Variants in PHF14 observed in about 807,000 individuals in gnomAD.
PHF14 encodes PHD finger protein 14.
In PHF14, 55 loss-of-function variants were observed where a neutral mutation model predicts 117.9. That is an observed-to-expected ratio of 0.47 (90% CI 0.38 to 0.58). The LOEUF (loss-of-function observed/expected upper bound fraction) is 0.58, where lower values mean the gene tolerates loss of function less well. PHF14 is among the 20% of genes least tolerant of loss of function. The pLI, the probability that PHF14 is intolerant of heterozygous loss-of-function variation, is 0.00. For synonymous variants in PHF14, 409 were observed against 368.6 expected (o/e 1.11, Z -1.26); for missense variants, 978 against 1,122.2 (o/e 0.87, Z 1.84).
In PHF14 at chr7:11,106,677, G is replaced by A. The variant is rs897118301; in HGVS notation, c.2655-4673G>A. 2.6e-5 allele frequency: 26 copies of A among 983,718 alleles called. No individual in the cohort carries two copies. In the East Asian group the frequency reaches 8.0e-4, roughly 30 times the overall value. The allele number at this position is 983,718 out of a possible 1,614,324, so 60.9% of individuals were successfully genotyped here. A position where few individuals can be genotyped will look rare whatever the true frequency, so the allele number is the denominator to read the frequency against. The stretch of plus-strand genomic sequence containing the variant: ...CATCGCTACCTGTTAATAGATTTGC[G>A]TAGATGTTTGAGCTGCTAGTGAGAT... On this transcript the variant is annotated intron_variant, in intron 16 of 17. Coordinates refer to ENST00000634607, the MANE Select transcript of PHF14 (RefSeq NM_001007157.2).
intron 16 of PHF14, among the ~76,000 whole-genome samples, chr7:11,067,754 T>C (rs76178093): frequency 0.013 from 1,942 of 152,214 alleles, 43 homozygotes; most frequent in East Asian, 0.1. Context: ...CTCAAGGTGC[T>C]TTCACTCATG....
intron 17 of PHF14, 77 bp downstream of exon 17, chr7:11,111,544 C>A: frequency 7.5e-6 from 5 of 666,946 alleles, no homozygotes; most frequent in South Asian, 1.8e-5. Context: ...CAATTAGCTT[C>A]TTTAAAGATA....
At chr7:11,085,933 G>GT (rs1163883791) in intron 16 of PHF14, among the ~76,000 whole-genome samples, 1 of 151,912 alleles carries the variant, frequency 6.6e-6, no homozygotes, top group Non-Finnish European at 1.5e-5. Context: ...CTGGAGCCTA[G>GT]TTATTTGGGT....
intron 14 of PHF14, among the ~76,000 whole-genome samples, chr7:11,055,511 C>A (rs1252093982): frequency 1.3e-5 from 2 of 151,974 alleles, no homozygotes; most frequent in African/African-American, 2.4e-5. Flanking sequence ...TTCTTTTTTG[C>A]AAAATAAATG....
intron 13 of PHF14, among the ~76,000 whole-genome samples, chr7:11,049,426 G>T (rs1387695370): frequency 6.8e-6 from 1 of 147,762 alleles, no homozygotes; most frequent in African/African-American, 2.5e-5. Context: ...AGTGAGCCGA[G>T]ATCGTGCCAC....
intron 17 of PHF14, among the ~76,000 whole-genome samples, chr7:11,160,500 T>G (rs947582762): frequency 1.3e-5 from 2 of 152,190 alleles, no homozygotes; most frequent in African/African-American, 4.8e-5. Flanking sequence ...CTGAAAAAAT[T>G]TACATTCCCA....
chr7:11,070,790 CAAT>C (rs1234683239), intron 16 of PHF14, among the ~76,000 whole-genome samples: 1 of 152,200 alleles, frequency 6.6e-6, no homozygotes, highest in Non-Finnish European at 1.5e-5. Flanking sequence ...TAGTCTAATG[CAAT>C]ATGGCTCAGG....
intron 2 of PHF14, among the ~76,000 whole-genome samples, chr7:10,977,866 T>G (rs1428496759): frequency 6.6e-6 from 1 of 152,210 alleles, no homozygotes; most frequent in Non-Finnish European, 1.5e-5. Context: ...TGTTGATATT[T>G]GAGACTTGGG....
intron 4 of PHF14, among the ~76,000 whole-genome samples, chr7:10,999,274 C>G (rs1023974060): frequency 5.9e-5 from 9 of 152,220 alleles, no homozygotes; most frequent in Non-Finnish European, 1.3e-4. Context: ...CTCCAGTCCT[C>G]TCTCAAACCA....
intron 16 of PHF14, among the ~76,000 whole-genome samples, chr7:11,073,660 A>G (rs1785710950): frequency 6.6e-6 from 1 of 152,162 alleles, no homozygotes; most frequent in African/African-American, 2.4e-5. Context: ...GTTCCCTGGT[A>G]GGGATTCTGT....
At chr7:11,099,275 T>A (rs985519086) in intron 16 of PHF14, among the ~76,000 whole-genome samples, 1 of 152,150 alleles carries the variant, frequency 6.6e-6, no homozygotes, top group African/African-American at 2.4e-5. Context: ...AAATCTGTAT[T>A]ATAACATCAG....
At chr7:11,167,372 C>T (rs1007897374) in intron 17 of PHF14, among the ~76,000 whole-genome samples, 3 of 152,058 alleles carry the variant, frequency 2.0e-5, no homozygotes, top group Non-Finnish European at 2.9e-5. Context: ...GTTAAGATTG[C>T]TAGAAGTGTG....
chr7:10,982,305 G>A, intron 2 of PHF14, 67 bp from the exon 3 acceptor site: 1 of 1,032,118 alleles, frequency 9.7e-7, no homozygotes, highest in Non-Finnish European at 1.4e-6. Context: ...ATTTGTGTCA[G>A]CGTTGTGTGT....
intron 13 of PHF14, among the ~76,000 whole-genome samples, chr7:11,049,500 A>G (rs147743778): frequency 2.4e-3 from 370 of 151,344 alleles, no homozygotes; most frequent in African/African-American, 8.4e-3. Flanking sequence ...AAAAGTGTAA[A>G]TTAGAACTGT....
intron 16 of PHF14, among the ~76,000 whole-genome samples, chr7:11,090,575 A>G (rs1479065402): frequency 6.6e-6 from 1 of 152,188 alleles, no homozygotes; most frequent in Admixed American, 6.5e-5. Context: ...TTTCATGTAG[A>G]GCATTGAGCA....
rs1208051643 is a variant in PHF14, at chr7:10,995,946, C to T, written c.1045+5099C>T. On this transcript the variant is annotated intron_variant, in intron 4 of 17. Coordinates refer to ENST00000634607, the MANE Select transcript of PHF14 (RefSeq NM_001007157.2). Reference sequence around the variant, plus strand: ...CCGCAAGCTGAGGGAGCTGGCTCCACCCTCGGCCAGCCCAGAGAGGGGCTC... The same window carrying T: ...CCGCAAGCTGAGGGAGCTGGCTCCATCCTCGGCCAGCCCAGAGAGGGGCTC... Among the ~76,000 whole-genome samples the T allele has an allele frequency of 2.0e-5, 3 of 152,232 alleles. No homozygotes were observed. In the East Asian group the frequency reaches 5.8e-4, roughly 29 times the overall value.
At chr7:11,107,494 A>T in intron 16 of PHF14, 1 of 862,352 alleles carries the variant, frequency 1.2e-6, no homozygotes, top group Non-Finnish European at 1.4e-6. Context: ...CTTTTATCTT[A>T]TAATTGGGAT....
At chr7:11,060,953 T>C (rs1785203677) in intron 14 of PHF14, among the ~76,000 whole-genome samples, 1 of 152,126 alleles carries the variant, frequency 6.6e-6, no homozygotes, top group Non-Finnish European at 1.5e-5. Context: ...TTAATATATT[T>C]ATACTATAAT....
At chr7:11,054,103 A>AT (rs370105877) in intron 14 of PHF14, among the ~76,000 whole-genome samples, 205 of 152,026 alleles carry the variant, frequency 1.3e-3, no homozygotes, top group African/African-American at 4.6e-3. Flanking sequence ...TCAAAAAAGC[A>AT]TTTTTTAAGA....
Sources: gnomAD v4.1 joint callset for allele counts (sites outside exome capture counted in the v4.1 genomes callset) on GRCh38, gnomAD v4.1.1 for gene constraint, MANE v1.5 for transcripts, NCBI Gene and HGNC (gene_info 2026-07-23, HGNC 2026-07-21) for gene names.